Variants in CCDC91 observed in about 807,000 individuals in gnomAD.
The protein encoded by CCDC91 is coiled-coil domain-containing protein 91.
A neutral mutation model predicts 63.2 loss-of-function variants in CCDC91; 48 were observed. That is an observed-to-expected ratio of 0.76 (90% CI 0.60 to 0.97). The LOEUF (loss-of-function observed/expected upper bound fraction) is 0.97. Ranked by LOEUF, CCDC91 falls within the 50% of genes least tolerant of loss-of-function variation. CCDC91 has a pLI of 0.00. For synonymous variants in CCDC91, 167 were observed against 165.8 expected (o/e 1.01, Z -0.06); for missense variants, 500 against 494.6 (o/e 1.01, Z -0.10).
chr12:28,404,500 T>C (rs1272655468), intron 8 of CCDC91, among the ~76,000 whole-genome samples: 1 of 152,128 alleles, frequency 6.6e-6, no homozygotes, highest in African/African-American at 2.4e-5. Flanking sequence ...ATAGACTTCC[T>C]TTATATTGAG....
intron 3 of CCDC91, among the ~76,000 whole-genome samples, chr12:28,264,647 C>A (rs902762238): frequency 7.0e-6 from 1 of 142,558 alleles, no homozygotes; most frequent in Non-Finnish European, 1.5e-5. Flanking sequence ...TTTCCCCCTC[C>A]AATGTAAATT....
intron 3 of CCDC91, chr12:28,304,487 ATGCAATATTGCT>A: frequency 3.7e-6 from 1 of 271,514 alleles, no homozygotes; most frequent in Non-Finnish European, 7.2e-6. Context: ...TATGTCAAAA[ATGCAATATTGCT>A]AAAAATGCAA....
intron 11 of CCDC91, among the ~76,000 whole-genome samples, chr12:28,469,621 A>C (rs1950712035): frequency 6.6e-6 from 1 of 152,190 alleles, no homozygotes; most frequent in Admixed American, 6.6e-5. Flanking sequence ...AAGTCTCAGA[A>C]TAGCCAAAGC....
chr12:28,474,342 G>A (rs1950972443), intron 11 of CCDC91, among the ~76,000 whole-genome samples: 1 of 151,912 alleles, frequency 6.6e-6, no homozygotes, highest in African/African-American at 2.4e-5. Context: ...ACTATAGTTT[G>A]TAATGCACCA....
In CCDC91 at chr12:28,478,019, G is replaced by A. The variant is rs1208092256; in HGVS notation, c.1102-6033G>A. 3.3e-5 allele frequency among the ~76,000 whole-genome samples: 5 copies of A among 152,116 alleles called. No individual in the cohort carries two copies. In the East Asian group the frequency reaches 9.6e-4, roughly 29 times the overall value. On this transcript the variant is annotated intron_variant, in intron 11 of 12. Coordinates refer to ENST00000536442, the MANE Select transcript of CCDC91 (RefSeq NM_018318.5). ...CATGGATAGGAATAATCAATATCGT[G>A]AAAATGGCCATACTGCCCAAGGTAA...
At chr12:28,522,296 C>T (rs1940772362) in intron 12 of CCDC91, among the ~76,000 whole-genome samples, 1 of 152,096 alleles carries the variant, frequency 6.6e-6, no homozygotes, top group Admixed American at 6.6e-5. Context: ...CTGGTTTAGT[C>T]TTGGGAGGGT....
At chr12:28,444,554 T>C (rs1392534602) in intron 8 of CCDC91, among the ~76,000 whole-genome samples, 1 of 152,142 alleles carries the variant, frequency 6.6e-6, no homozygotes, top group Non-Finnish European at 1.5e-5. Context: ...TGGAGGCTAT[T>C]ACCTTTAGCA....
chr12:28,502,395 A>G (rs533703461), intron 12 of CCDC91, among the ~76,000 whole-genome samples: 1 of 152,074 alleles, frequency 6.6e-6, no homozygotes, highest in East Asian at 2.0e-4. Flanking sequence ...GGACCTCTTC[A>G]AGGAGAACTA....
intron 12 of CCDC91, among the ~76,000 whole-genome samples, chr12:28,545,886 G>A (rs1593019014): frequency 6.6e-6 from 1 of 152,154 alleles, no homozygotes; most frequent in Middle Eastern, 3.4e-3. Context: ...TACACATTGT[G>A]AAATTGTACT....
chr12:28,267,751 C>T (rs868455688), intron 3 of CCDC91, among the ~76,000 whole-genome samples: 5 of 51,872 alleles, frequency 9.6e-5, no homozygotes, highest in African/African-American at 1.4e-4. Context: ...TTATATATTA[C>T]TATATAATTA....
chr12:28,221,060 A>G (rs1943906059), intron 1 of CCDC91, among the ~76,000 whole-genome samples: 1 of 152,030 alleles, frequency 6.6e-6, no homozygotes, highest in Admixed American at 6.6e-5. Flanking sequence ...CCAGTTACAC[A>G]TGTTTTAGAC....
intron 7 of CCDC91, among the ~76,000 whole-genome samples, chr12:28,386,624 C>T (rs1277088100): frequency 1.3e-5 from 2 of 152,150 alleles, no homozygotes; most frequent in Non-Finnish European, 2.9e-5. Context: ...GCCTCGGCCT[C>T]CCAAAGTACT....
intron 8 of CCDC91, among the ~76,000 whole-genome samples, chr12:28,409,569 T>C (rs1019198186): frequency 1.2e-4 from 18 of 152,140 alleles, no homozygotes; most frequent in Admixed American, 5.2e-4. Flanking sequence ...AAACCTTTAT[T>C]ATTTAATTTA....
intron 12 of CCDC91, among the ~76,000 whole-genome samples, chr12:28,513,635 T>C (rs1220112028): frequency 6.6e-6 from 1 of 151,888 alleles, no homozygotes; most frequent in African/African-American, 2.4e-5. Context: ...TGTACTCATA[T>C]GCATGAAAGT....
At chr12:28,324,059 TAGAG>T (rs1252301075) in intron 6 of CCDC91, among the ~76,000 whole-genome samples, 1 of 151,764 alleles carries the variant, frequency 6.6e-6, no homozygotes, top group East Asian at 1.9e-4. Context: ...GAGATGGAGT[TAGAG>T]AGACCTTTTT....
intron 12 of CCDC91, among the ~76,000 whole-genome samples, chr12:28,525,564 T>G (rs1592956622): frequency 6.6e-6 from 1 of 152,126 alleles, no homozygotes; most frequent in Non-Finnish European, 1.5e-5. Flanking sequence ...TTGATTAGAA[T>G]GTATATTCTG....
intron 8 of CCDC91, among the ~76,000 whole-genome samples, chr12:28,419,019 A>C (rs576266503): frequency 2.0e-5 from 3 of 152,200 alleles, no homozygotes; most frequent in Non-Finnish European, 4.4e-5. Flanking sequence ...ATTATTTTAT[A>C]CATCCATCCA....
intron 1 of CCDC91, among the ~76,000 whole-genome samples, chr12:28,240,639 CTTTTT>C (rs147267552): frequency 6.8e-6 from 1 of 147,184 alleles, no homozygotes; most frequent in African/African-American, 2.5e-5. Flanking sequence ...TTGGGATTGG[CTTTTT>C]TTTTTCACTC....
At chr12:28,236,534 C>A (rs1218459356) in intron 1 of CCDC91, 1 of 151,628 alleles carries the variant, frequency 6.6e-6, no homozygotes, top group Non-Finnish European at 1.5e-5. Context: ...CCTCTGCATC[C>A]AAAATACTAA....
Sources: allele counts gnomAD v4.1 joint callset (sites outside exome capture counted in the v4.1 genomes callset), GRCh38; gene constraint gnomAD v4.1.1; transcripts MANE v1.5; gene names NCBI Gene and HGNC (gene_info 2026-07-23, HGNC 2026-07-21).